The following AREG variants were observed in gnomAD, a reference collection of about 807,000 sequenced individuals.
AREG encodes amphiregulin.
Under a neutral mutation model 28.0 loss-of-function variants are expected in AREG, and 16 were observed. That is an observed-to-expected ratio of 0.57 (90% CI 0.39 to 0.87). The LOEUF (loss-of-function observed/expected upper bound fraction) is 0.87. Among genes scored for constraint, AREG ranks in the 40% least tolerant of loss-of-function variants. AREG has a pLI of 0.00. For synonymous variants in AREG, 113 were observed against 113.5 expected (o/e 1.00, Z 0.02); for missense variants, 287 against 309.1 (o/e 0.93, Z 0.53).
chr4:74,445,784 A>G (rs940038328), intron 1 of AREG, among the ~76,000 whole-genome samples: 3 of 152,114 alleles, frequency 2.0e-5, no homozygotes, highest in Non-Finnish European at 4.4e-5. Context: ...ATCTCTGTCT[A>G]GTGATTTCTT....
chr4:74,447,213 C>G (rs1181791682), intron 2 of AREG, among the ~76,000 whole-genome samples: 3 of 152,150 alleles, frequency 2.0e-5, no homozygotes, highest in Non-Finnish European at 4.4e-5. Context: ...AGACATTAAC[C>G]ATTCCTATCT....
At position 74,449,228 on chromosome 4, in the gene AREG, C is replaced by T; in HGVS notation, c.492C>T (p.His164=). The change falls in exon 3 of 6, where the codon CAC becomes CAT. Residue 164 remains histidine, a synonymous_variant. Transcript: ENST00000395748. ...CIHGECKYIE[H]LEAVTCKCQQ... ...ACGGAGAATGCAAATATATAGAGCA[C>T]CTGGAAGCAGTAACATGCAAGTAAG... 9 of 1,613,194 alleles carry T rather than the reference C, an allele frequency of 5.6e-6. No homozygotes were observed. Among genetic ancestry groups the T allele is most frequent in the Non-Finnish European group, 7.6e-6 (9 of 1,179,738 alleles).
chr4:74,445,768 T>G (rs1197174233), intron 1 of AREG, among the ~76,000 whole-genome samples: 1 of 152,196 alleles, frequency 6.6e-6, no homozygotes, highest in South Asian at 2.1e-4. Flanking sequence ...TCCTGCCTAA[T>G]TCTCCATCTC....
chr4:74,448,850 C>T (rs1719334010), intron 2 of AREG, 197 bp from the exon 3 acceptor site: 3 of 718,598 alleles, frequency 4.2e-6, no homozygotes, highest in African/African-American at 1.8e-5. Context: ...TGAGTGGACA[C>T]TACTTTCAGG....
chr4:74,445,164 C>T lies in AREG; in HGVS notation c.-182C>T. ...CGTTCGCACACCTGGGTGCCAGCGC[C>T]CCAGAGGTCCCGGGACAGCCCGAGG... On this transcript the variant is annotated 5_prime_UTR_variant, in exon 1 of 6. Transcript: ENST00000395748. 1 of 1,378,644 alleles carries T rather than the reference C, an allele frequency of 7.3e-7. No homozygotes were observed. Among genetic ancestry groups the T allele is most frequent in the Non-Finnish European group, 9.6e-7 (1 of 1,036,540 alleles). 85.4% of individuals were successfully genotyped at this position (1,378,644 alleles called of 1,614,324 possible).
intron 1 of AREG, among the ~76,000 whole-genome samples, chr4:74,446,057 A>G (rs1429493645): frequency 1.1e-5 from 1 of 88,188 alleles, no homozygotes; most frequent in African/African-American, 4.5e-5. Context: ...AAAAATATGA[A>G]CACATCTTTT....
At chr4:74,452,739 A>G (rs926200233) in intron 5 of AREG, 84 bp downstream of exon 5, 5 of 1,210,346 alleles carry the variant, frequency 4.1e-6, no homozygotes, top group Non-Finnish European at 5.8e-6. Context: ...AAAATATGGA[A>G]TGTGTTCTTA....
chr4:74,451,294 A>G (rs905345064), intron 4 of AREG, among the ~76,000 whole-genome samples: 3 of 152,176 alleles, frequency 2.0e-5, no homozygotes, highest in Non-Finnish European at 1.5e-5. Context: ...TTGTCTGTCA[A>G]ACAGAAGTCA....
intron 4 of AREG, among the ~76,000 whole-genome samples, chr4:74,451,267 G>A (rs1380933399): frequency 6.6e-6 from 1 of 152,072 alleles, no homozygotes; most frequent in Non-Finnish European, 1.5e-5. Flanking sequence ...GGCACTGATG[G>A]GTGCATCAAA....
rs1271358207 is a variant in AREG, at chr4:74,446,641, A to C, written c.169A>C (p.Met57Leu). The change falls in exon 2 of 6, where the codon ATG becomes CTG. Residue 57 changes from methionine to leucine, a missense_variant. Physicochemically the swap from Met to Leu is conservative, Grantham distance 15. Transcript: ENST00000395748. Reference sequence around the variant, plus strand: ...ATTTGAGGTTACCTCAAGAAGTGAGATGTCTTCAGGGAGTGAGATTTCCCC... The same window carrying C: ...ATTTGAGGTTACCTCAAGAAGTGAGCTGTCTTCAGGGAGTGAGATTTCCCC... ...DGFEVTSRSE[M>L]SSGSEISPVS... 1.9e-5 allele frequency: 30 copies of C among 1,613,838 alleles called. No individual in the cohort carries two copies. The highest frequency in any genetic ancestry group is 2.3e-5 in the Non-Finnish European group (27 of 1,179,880).
chr4:74,449,100 G>T lies in AREG; in HGVS notation c.364G>T (p.Asp122Tyr). Residue 122 changes from aspartate (D) to tyrosine (Y), a missense_variant, in exon 3 of 6, where the codon GAT (aspartate) becomes TAT (tyrosine). Coordinates refer to ENST00000395748, the MANE Select transcript of AREG (RefSeq NM_001657.4). ...CAAGACGGAAAGTGAAAATACTTCAGATAAACCCAAAAGAAAGAAAAAGGG... is the reference window on the plus strand; with the variant it reads ...CAAGACGGAAAGTGAAAATACTTCATATAAACCCAAAAGAAAGAAAAAGGG... Reference protein sequence around the residue: ...QNKTESENTSDKPKRKKKGGK... With the variant: ...QNKTESENTSYKPKRKKKGGK... The T allele has an allele frequency of 6.2e-7, 1 of 1,611,024 alleles. No homozygotes were observed. Among genetic ancestry groups the T allele is most frequent in the African/African-American group, 1.3e-5 (1 of 74,074 alleles).
At chr4:74,450,580 A>C in intron 4 of AREG, 48 bp downstream of exon 4, 3 of 1,606,280 alleles carry the variant, frequency 1.9e-6, no homozygotes, top group Non-Finnish European at 2.5e-6. Flanking sequence ...ATGGGAGGTT[A>C]ATTTTTTCAG....
At chr4:74,453,816 G>A (rs1719417992) in intron 5 of AREG, among the ~76,000 whole-genome samples, 1 of 151,844 alleles carries the variant, frequency 6.6e-6, no homozygotes, top group African/African-American at 2.4e-5. Context: ...AGCTACTTGA[G>A]AGGCTGAGGC....
chr4:74,447,061 C>G (rs1032994986), intron 2 of AREG, among the ~76,000 whole-genome samples: 3 of 152,110 alleles, frequency 2.0e-5, no homozygotes, highest in African/African-American at 7.2e-5. Flanking sequence ...ATAACTGAAG[C>G]CGAAAAAGGT....
chr4:74,447,193 A>T (rs1168409876), intron 2 of AREG, among the ~76,000 whole-genome samples: 1 of 152,180 alleles, frequency 6.6e-6, no homozygotes, highest in Non-Finnish European at 1.5e-5. Context: ...CCATTCTGAG[A>T]GACAAATTTA....
intron 3 of AREG, among the ~76,000 whole-genome samples, 179 bp downstream of exon 3, chr4:74,449,427 C>A (rs1355911315): frequency 6.6e-6 from 1 of 152,102 alleles, no homozygotes. Flanking sequence ...TGTACTTAAA[C>A]AACGAATTAA....
At chr4:74,448,099 G>A (rs985875756) in intron 2 of AREG, among the ~76,000 whole-genome samples, 3 of 152,176 alleles carry the variant, frequency 2.0e-5, no homozygotes, top group Admixed American at 6.5e-5. Flanking sequence ...AGTGCTTATC[G>A]CAACACTTCA....
rs1719363475 is a variant in AREG, at chr4:74,450,442, T to C, written c.575T>C (p.Ile192Thr). Residue 192 changes from isoleucine (I) to threonine (T), a missense_variant, in exon 4 of 6, where the codon ATT becomes ACT. Coordinates refer to ENST00000395748, the MANE Select transcript of AREG (RefSeq NM_001657.4). ...AAGTCCATGAAAACTCACAGCATGATTGACAGTAGTTTATCAAAAATTGCA... is the reference window on the plus strand; with the variant it reads ...AAGTCCATGAAAACTCACAGCATGACTGACAGTAGTTTATCAAAAATTGCA... ...GEKSMKTHSM[I>T]DSSLSKIALA... 1.2e-6 allele frequency: 2 copies of C among 1,613,846 alleles called. No homozygotes were observed. Among genetic ancestry groups the C allele is most frequent in the African/African-American group, 2.7e-5 (2 of 74,920 alleles).
In AREG at chr4:74,445,176, G is replaced by C. The variant is rs1300281993; in HGVS notation, c.-170G>C. On this transcript the variant is annotated 5_prime_UTR_variant, in exon 1 of 6. Coordinates refer to ENST00000395748, the MANE Select transcript of AREG (RefSeq NM_001657.4). ...TGGGTGCCAGCGCCCCAGAGGTCCC[G>C]GGACAGCCCGAGGCGCCGCGCCCGC... The C allele has an allele frequency of 2.8e-6, 4 of 1,437,420 alleles. No homozygotes were observed. Among genetic ancestry groups the C allele is most frequent in the Non-Finnish European group, 3.7e-6 (4 of 1,080,058 alleles). 89.0% of individuals were successfully genotyped at this position (1,437,420 alleles called of 1,614,324 possible). A position where few individuals can be genotyped will look rare whatever the true frequency, so the allele number is the denominator to read the frequency against.
Sources: gnomAD v4.1 joint callset for allele counts (sites outside exome capture counted in the v4.1 genomes callset) on GRCh38, gnomAD v4.1.1 for gene constraint, MANE v1.5 for transcripts, NCBI Gene and HGNC (gene_info 2026-07-23, HGNC 2026-07-21) for gene names.